Variants in SCARA5 observed in about 807,000 individuals in gnomAD.
The protein encoded by SCARA5 is scavenger receptor class A member 5, also known as scavenger receptor class A, member 5 (putative).
A neutral mutation model predicts 46.3 loss-of-function variants in SCARA5; 45 were observed. The ratio of observed to expected loss-of-function variants is 0.97; its 90% CI spans 0.76 to 1.24. The LOEUF is 1.24. Among genes scored for constraint, SCARA5 ranks in the 50% most tolerant of loss-of-function variants. The pLI, the probability that SCARA5 is intolerant of heterozygous loss-of-function variation, is 0.00. For synonymous variants in SCARA5, 333 were observed against 306.5 expected (o/e 1.09, Z -0.90); for missense variants, 680 against 689.0 (o/e 0.99, Z 0.15).
chr8:27,941,091 C>A (rs1437603580), intron 3 of SCARA5, among the ~76,000 whole-genome samples: 1 of 151,406 alleles, frequency 6.6e-6, no homozygotes, highest in Non-Finnish European at 1.5e-5. Flanking sequence ...CTTTTAACAT[C>A]ATATAGTTAA....
At chr8:27,944,779 A>T (rs1404318615) in intron 3 of SCARA5, among the ~76,000 whole-genome samples, 2 of 150,846 alleles carry the variant, frequency 1.3e-5, no homozygotes, top group Non-Finnish European at 2.9e-5. Flanking sequence ...CTGAGGTGGG[A>T]GAATCATTTG....
intron 4 of SCARA5, among the ~76,000 whole-genome samples, chr8:27,914,850 G>C (rs1006013767): frequency 6.6e-6 from 1 of 152,178 alleles, no homozygotes; most frequent in African/African-American, 2.4e-5. Context: ...CGAAGGGTCT[G>C]GGACCAGGCA....
At chr8:27,906,510 C>T (rs2685363) in intron 6 of SCARA5, among the ~76,000 whole-genome samples, 7,203 of 152,298 alleles carry the variant, frequency 0.047, 230 homozygotes, top group Non-Finnish European at 0.073. Flanking sequence ...GAGGGCTGTC[C>T]TGGGCCTGCA....
rs754844273 is a variant in SCARA5, at chr8:27,905,531, GGAA to G, written c.1097-700_1097-698del. Among the ~76,000 whole-genome samples the G allele has an allele frequency of 9.3e-3, 1,059 of 113,906 alleles. 326 individuals are homozygous for G. Among genetic ancestry groups the G allele is most frequent in the Admixed American group, 0.02 (220 of 11,090 alleles). 74.7% of individuals were successfully genotyped at this position (113,906 alleles called of 152,430 possible). On this transcript the variant is annotated intron_variant, in intron 6 of 8. Coordinates refer to ENST00000354914, the MANE Select transcript of SCARA5 (RefSeq NM_173833.6). The stretch of plus-strand genomic sequence containing the variant: ...CAGGATGATCCAAGATTTGGGGGGG[GGAA>G]AAAAAAAAGGCAGCCATATACATAT...
At chr8:27,962,788 T>C (rs1446990557) in intron 3 of SCARA5, among the ~76,000 whole-genome samples, 1 of 152,234 alleles carries the variant, frequency 6.6e-6, no homozygotes, top group Non-Finnish European at 1.5e-5. Flanking sequence ...ACAATGGGTG[T>C]ATGTATTCAT....
intron 7 of SCARA5, among the ~76,000 whole-genome samples, chr8:27,902,463 C>T (rs1270805342): frequency 1.3e-5 from 2 of 152,308 alleles, no homozygotes; most frequent in South Asian, 2.1e-4. Context: ...ATAGAGACCA[C>T]GCATCCTCCA....
At chr8:27,899,348 G>C (rs1188792369) in intron 7 of SCARA5, among the ~76,000 whole-genome samples, 1 of 152,214 alleles carries the variant, frequency 6.6e-6, no homozygotes, top group East Asian at 1.9e-4. Context: ...CAGGGGAAAT[G>C]AATCTTCATT....
At position 27,904,801 on chromosome 8, in the gene SCARA5, TTCTC is replaced by T; in HGVS notation, c.1126_1129del (p.Glu376LysfsTer15). The T allele has an allele frequency of 1.2e-6, 2 of 1,612,608 alleles. No homozygotes were observed. The highest frequency in any genetic ancestry group is 8.5e-7 in the Non-Finnish European group (1 of 1,179,362). Reference sequence around the variant, plus strand: ...ACTGGCATCCCCAGCTCTGTCTCCTTTCTCTCCTTTCTCTCCTTTTGGGCCTCGG... The same window carrying T: ...ACTGGCATCCCCAGCTCTGTCTCCTTTCCTTTCTCTCCTTTTGGGCCTCGG... On this transcript the variant is annotated frameshift_variant, in exon 7 of 9. Transcript: ENST00000354914. LOFTEE classifies it high-confidence loss of function.
At chr8:27,985,715 C>T (rs144893818) in intron 2 of SCARA5, among the ~76,000 whole-genome samples, 1 of 152,296 alleles carries the variant, frequency 6.6e-6, no homozygotes, top group East Asian at 1.9e-4. Context: ...CCAGGAGGCA[C>T]GAATCAGCCT....
intron 7 of SCARA5, among the ~76,000 whole-genome samples, chr8:27,883,654 G>A (rs556612573): frequency 6.6e-6 from 1 of 152,164 alleles, no homozygotes; most frequent in Non-Finnish European, 1.5e-5. Context: ...AATCAGCAAG[G>A]TTCCTTCTAG....
At chr8:27,969,919 A>G (rs974812366) in intron 2 of SCARA5, among the ~76,000 whole-genome samples, 1 of 152,176 alleles carries the variant, frequency 6.6e-6, no homozygotes, top group African/African-American at 2.4e-5. Flanking sequence ...TCCACTGTGG[A>G]AAAGCCCCAC....
intron 4 of SCARA5, among the ~76,000 whole-genome samples, chr8:27,921,039 T>C (rs1399328277): frequency 6.7e-6 from 1 of 149,414 alleles, no homozygotes; most frequent in African/African-American, 2.5e-5. Flanking sequence ...CAGTTACAAA[T>C]GAAACCAGCT....
intron 7 of SCARA5, among the ~76,000 whole-genome samples, chr8:27,883,180 G>A (rs150488052): frequency 1.6e-4 from 24 of 152,326 alleles, no homozygotes; most frequent in African/African-American, 5.3e-4. Flanking sequence ...GAATGTAGTA[G>A]AGAGCCATTC....
At chr8:27,893,401 T>C (rs1012391291) in intron 7 of SCARA5, among the ~76,000 whole-genome samples, 2 of 152,186 alleles carry the variant, frequency 1.3e-5, no homozygotes, top group South Asian at 4.1e-4. Flanking sequence ...AGAAATCTAC[T>C]ATGTGGGGAT....
rs1808620261 is a variant in SCARA5, at chr8:27,981,813, TG to T, written c.112+5690del. Among the ~76,000 whole-genome samples, 2 of 152,166 alleles carry T rather than the reference TG, an allele frequency of 1.3e-5. 1 individual carries two copies. Among genetic ancestry groups the T allele is most frequent in the Non-Finnish European group, 2.9e-5 (2 of 68,034 alleles). On this transcript the variant is annotated intron_variant, in intron 2 of 8. Coordinates refer to ENST00000354914, the MANE Select transcript of SCARA5 (RefSeq NM_173833.6). ...ACAGAGCCATGCTCTCTGCTTGGCA[TG>T]GGCTGTAGCTCTGAACTGGGTTAAT...
chr8:27,943,445 A>G (rs1585504405), intron 3 of SCARA5, among the ~76,000 whole-genome samples: 1 of 152,198 alleles, frequency 6.6e-6, no homozygotes, highest in South Asian at 2.1e-4. Context: ...ATAATTATAA[A>G]GTCCCTTTAT....
intron 4 of SCARA5, among the ~76,000 whole-genome samples, chr8:27,918,518 GA>G (rs1807504647): frequency 6.6e-6 from 1 of 150,616 alleles, no homozygotes; most frequent in Non-Finnish European, 1.5e-5. Flanking sequence ...GGAAAAGGAG[GA>G]AAAGGAGGAA....
chr8:27,981,693 A>C (rs1808618384), intron 2 of SCARA5, among the ~76,000 whole-genome samples: 1 of 152,220 alleles, frequency 6.6e-6, no homozygotes, highest in Non-Finnish European at 1.5e-5. Context: ...CGTGTCACCA[A>C]GCCACTCCCA....
chr8:27,885,685 C>T (rs980356960), intron 7 of SCARA5, among the ~76,000 whole-genome samples: 3 of 152,182 alleles, frequency 2.0e-5, no homozygotes, highest in Non-Finnish European at 4.4e-5. Context: ...CACAACACTT[C>T]TAATCACATA....
Sources: allele counts gnomAD v4.1 joint callset (sites outside exome capture counted in the v4.1 genomes callset), GRCh38; gene constraint gnomAD v4.1.1; transcripts MANE v1.5; gene names NCBI Gene and HGNC (gene_info 2026-07-23, HGNC 2026-07-21).